Variants in RIMS2 observed in about 807,000 individuals in gnomAD.
RIMS2 encodes the protein regulating synaptic membrane exocytosis 2.
In RIMS2, 59 loss-of-function variants were observed where a neutral mutation model predicts 174.4. The observed-to-expected ratio is 0.34, with a 90% confidence interval of 0.27 to 0.42. The LOEUF (loss-of-function observed/expected upper bound fraction) is 0.42. RIMS2 is among the 10% of genes least tolerant of loss of function. The pLI is 1.00. For synonymous variants in RIMS2, 606 were observed against 572.5 expected, an observed-to-expected ratio of 1.06 and a Z score of -0.84; for missense variants, 1,620 against 1,666.3, an observed-to-expected ratio of 0.97 and a Z score of 0.48.
chr8:104,117,157 T>G (rs1386391487), intron 19 of RIMS2, among the ~76,000 whole-genome samples: 2 of 152,190 alleles, frequency 1.3e-5, no homozygotes, highest in East Asian at 3.9e-4. Flanking sequence ...GAGTCCAGTG[T>G]GGGCAACACA....
chr8:104,173,839 A>G (rs1417154641), intron 19 of RIMS2, among the ~76,000 whole-genome samples: 1 of 151,240 alleles, frequency 6.6e-6, no homozygotes, highest in African/African-American at 2.4e-5. Context: ...AGTGTTAGCC[A>G]GGCTCTTCTG....
chr8:103,716,418 G>A (rs1279635040), intron 2 of RIMS2, 98 bp downstream of exon 5: 1 of 151,800 alleles, frequency 6.6e-6, no homozygotes, highest in Non-Finnish European at 1.5e-5. Context: ...ACTTCTCAGT[G>A]TTTTGTTATA....
chr8:103,922,932 A>C (rs2078001035), intron 10 of RIMS2, among the ~76,000 whole-genome samples: 1 of 151,966 alleles, frequency 6.6e-6, no homozygotes, highest in African/African-American at 2.4e-5. Context: ...TATGTAAGGA[A>C]TATGTGATGC....
At chr8:104,205,448 G>A (rs1402852583) in intron 19 of RIMS2, among the ~76,000 whole-genome samples, 2 of 151,874 alleles carry the variant, frequency 1.3e-5, no homozygotes, top group Non-Finnish European at 2.9e-5. Context: ...TATGAGCTGT[G>A]AACAACTAAC....
intron 19 of RIMS2, among the ~76,000 whole-genome samples, chr8:104,156,689 A>C (rs1406646054): frequency 1.3e-5 from 2 of 152,222 alleles, no homozygotes; most frequent in Non-Finnish European, 2.9e-5. Context: ...ACAGAACTAG[A>C]AGTGAGATTT....
chr8:103,875,104 T>G (rs936671210), intron 3 of RIMS2, among the ~76,000 whole-genome samples: 2 of 152,046 alleles, frequency 1.3e-5, no homozygotes, highest in Non-Finnish European at 2.9e-5. Flanking sequence ...GCAGAATTAT[T>G]AAAAAGAGAT....
chr8:103,880,417 A>G (rs1301509215), intron 3 of RIMS2: 1 of 326,124 alleles, frequency 3.1e-6, no homozygotes, highest in Non-Finnish European at 5.5e-6. Flanking sequence ...ACAGCATTAA[A>G]GAATAACCTT....
intron 2 of RIMS2, among the ~76,000 whole-genome samples, chr8:103,764,536 T>C (rs2098146591): frequency 6.6e-6 from 1 of 151,930 alleles, no homozygotes; most frequent in Non-Finnish European, 1.5e-5. Context: ...TTTGAGACTG[T>C]TGATGGGTTA....
At chr8:103,895,278 G>A (rs2154522620) in intron 4 of RIMS2, among the ~76,000 whole-genome samples, 1 of 150,984 alleles carries the variant, frequency 6.6e-6, no homozygotes, top group Admixed American at 6.6e-5. Context: ...CTTAGCTCAG[G>A]CTACTATACC....
At chr8:103,945,171 T>A (rs2083421772) in intron 14 of RIMS2, among the ~76,000 whole-genome samples, 1 of 152,014 alleles carries the variant, frequency 6.6e-6, no homozygotes, top group Non-Finnish European at 1.5e-5. Flanking sequence ...TAATTCCCCT[T>A]TGGGGAATTA....
At chr8:104,067,042 G>A (rs1001312690) in intron 19 of RIMS2, among the ~76,000 whole-genome samples, 1 of 152,084 alleles carries the variant, frequency 6.6e-6, no homozygotes, top group Admixed American at 6.6e-5. Context: ...TATTGGCTCA[G>A]AAGGGGATAC....
At chr8:104,063,312 C>T (rs1384172548) in intron 19 of RIMS2, among the ~76,000 whole-genome samples, 1 of 151,664 alleles carries the variant, frequency 6.6e-6, no homozygotes, top group African/African-American at 2.4e-5. Flanking sequence ...AAAATATAAA[C>T]AATAAAAATT....
intron 19 of RIMS2, among the ~76,000 whole-genome samples, chr8:104,083,598 T>G (rs10108518): frequency 0.23 from 35,694 of 152,166 alleles, 4,481 homozygotes; most frequent in African/African-American, 0.33. Flanking sequence ...TTAATTCTAG[T>G]AGATCTTATG....
intron 6 of RIMS2, among the ~76,000 whole-genome samples, chr8:103,913,921 G>A (rs927168110): frequency 3.9e-5 from 6 of 152,118 alleles, no homozygotes; most frequent in African/African-American, 7.2e-5. Context: ...TGAGATTTGC[G>A]CAGGGACAAA....
At chr8:104,131,487 T>C (rs2098473402) in intron 19 of RIMS2, among the ~76,000 whole-genome samples, 1 of 152,140 alleles carries the variant, frequency 6.6e-6, no homozygotes, top group East Asian at 1.9e-4. Context: ...AAAATAAATA[T>C]GTTATATTTG....
At position 103,797,626 on chromosome 8, in the gene RIMS2, C is replaced by G. The variant is rs75315456; in HGVS notation, c.698+31089C>G. ...TCTTAACATGCATAAAAGAATTAAA[C>G]TACTTGTTGCTACATATCAGATTGA... On this transcript the variant is annotated intron_variant, in intron 3 of 23. Coordinates refer to ENST00000504942, the Ensembl canonical transcript of RIMS2. Among the ~76,000 whole-genome samples the G allele has an allele frequency of 1.7e-3, 260 of 152,260 alleles. 1 individual carries two copies. The highest frequency in any genetic ancestry group is 6.1e-3 in the African/African-American group (253 of 41,558).
Position 103,975,421 on chromosome 8 carries a change from C to T in RIMS2, c.2842C>T (p.His948Tyr), listed in dbSNP as rs35099196. 6.4e-4 allele frequency: 1,027 copies of T among 1,611,742 alleles called. 16 individuals are homozygous for T. Among genetic ancestry groups the T allele is most frequent in the Non-Finnish European group, 1.2e-4 (144 of 1,177,888 alleles). ...GCCAGAACAAGTAATGTCATCAAACCACTGTTCACCATCAGGGTCTCCTCA... is the reference window on the plus strand; with the variant it reads ...GCCAGAACAAGTAATGTCATCAAACTACTGTTCACCATCAGGGTCTCCTCA... Residue 948 changes from histidine to tyrosine, a missense_variant, in exon 16 of 24, where the codon CAC becomes TAC. Transcript: ENST00000504942.
At chr8:104,002,770 T>C (rs1436490891) in intron 17 of RIMS2, among the ~76,000 whole-genome samples, 2 of 152,154 alleles carry the variant, frequency 1.3e-5, no homozygotes, top group African/African-American at 4.8e-5. Flanking sequence ...CTGGTCTCTC[T>C]ACCCTGGGGT....
chr8:104,106,694 G>A (rs2098074583), intron 19 of RIMS2, among the ~76,000 whole-genome samples: 1 of 152,000 alleles, frequency 6.6e-6, no homozygotes, highest in Non-Finnish European at 1.5e-5. Flanking sequence ...AGAAAAAAAT[G>A]CTGCAGTAGC....
Sources: gnomAD v4.1 joint callset for allele counts (sites outside exome capture counted in the v4.1 genomes callset) on GRCh38, gnomAD v4.1.1 for gene constraint, MANE v1.5 for transcripts, NCBI Gene and HGNC (gene_info 2026-07-23, HGNC 2026-07-21) for gene names.